The following KCNK9 variants were observed in gnomAD, a reference collection of about 807,000 sequenced individuals.
The protein encoded by KCNK9 is potassium channel subfamily K member 9.
A neutral mutation model predicts 10.8 loss-of-function variants in KCNK9; 1 was observed. That is an observed-to-expected ratio of 0.09 (90% CI 0.03 to 0.44). KCNK9 has a LOEUF of 0.44. Ranked by LOEUF, KCNK9 falls within the 20% of genes least tolerant of loss-of-function variation. The probability of loss-of-function intolerance (pLI) is 0.97; values close to 1 mark genes in which losing one functional copy is unlikely to be tolerated. For missense variants in KCNK9, 303 were observed against 515.0 expected, an observed-to-expected ratio of 0.59 and a Z score of 3.98; for synonymous variants, 231 against 222.7, an observed-to-expected ratio of 1.04 and a Z score of -0.33.
rs1814657047 is a variant in KCNK9, at chr8:139,618,137, G to T, written c.*121C>A. On this transcript the variant is annotated 3_prime_UTR_variant, in exon 2 of 2. Transcript: ENST00000520439. This position sits in a 1 kb window ranked among gnomAD's most constrained non-coding sequence, Gnocchi z 7.9. ...ACCAAGAGACCAAGAAAGGAGGAAG[G>T]AGAGAAAGTAATAATGATGACAATA... 1.5e-6 allele frequency: 2 copies of T among 1,356,072 alleles called. No individual in the cohort carries two copies. The highest frequency in any genetic ancestry group is 1.5e-5 in the African/African-American group (1 of 67,754). The allele number at this position is 1,356,072 out of a possible 1,614,324, so 84.0% of individuals were successfully genotyped here. A position where few individuals can be genotyped will look rare whatever the true frequency, so the allele number is the denominator to read the frequency against.
At chr8:139,612,995 TTTA>T (rs1814477601), downstream of KCNK9, among the ~76,000 whole-genome samples, 1 of 152,182 alleles carries the variant, frequency 6.6e-6, no homozygotes. Flanking sequence ...TGGGTTGTAT[TTTA>T]GACTCAATAA....
In KCNK9 at chr8:139,637,760, T is replaced by TACACAC. The variant is rs34018499; in HGVS notation, c.284-18667_284-18662dup. On this transcript the variant is annotated intron_variant, in intron 1 of 1. Coordinates refer to ENST00000520439, the MANE Select transcript of KCNK9 (RefSeq NM_001282534.2). ...GGATAGATCTTAAGTATTCCTACTC[T>TACACAC]ACACACACACACACACACACACACA... Among the ~76,000 whole-genome samples the TACACAC allele has an allele frequency of 7.8e-3, 1,141 of 146,210 alleles. 18 individuals are homozygous for TACACAC. The highest frequency in any genetic ancestry group is 0.027 in the African/African-American group (1,039 of 39,044).
At chr8:139,638,268 TAC>T (rs1815397499) in intron 1 of KCNK9, among the ~76,000 whole-genome samples, 1 of 152,122 alleles carries the variant, frequency 6.6e-6, no homozygotes, top group South Asian at 2.1e-4. Context: ...ATTTCATATT[TAC>T]AGACATGAAA....
At chr8:139,627,038 C>G (rs372543194) in intron 1 of KCNK9, among the ~76,000 whole-genome samples, 5 of 152,264 alleles carry the variant, frequency 3.3e-5, no homozygotes, top group East Asian at 3.9e-4. Flanking sequence ...ATGCATGGGT[C>G]GCGCGTAGGG....
At chr8:139,667,893 A>G (rs1210920545) in intron 1 of KCNK9, among the ~76,000 whole-genome samples, 5 of 152,162 alleles carry the variant, frequency 3.3e-5, no homozygotes, top group Non-Finnish European at 7.3e-5. Context: ...TAAAAAAAAA[A>G]AAAAAGATTC....
At chr8:139,692,856 C>A (rs1443738333) in intron 1 of KCNK9, among the ~76,000 whole-genome samples, 2 of 152,174 alleles carry the variant, frequency 1.3e-5, no homozygotes, top group Admixed American at 6.5e-5. Flanking sequence ...TGGGACCATG[C>A]ACCCAAGCTG....
chr8:139,656,053 G>A (rs1256017744), intron 1 of KCNK9, among the ~76,000 whole-genome samples: 1 of 152,132 alleles, frequency 6.6e-6, no homozygotes, highest in Non-Finnish European at 1.5e-5. Flanking sequence ...TGAAGCTCCG[G>A]GACATTCAAA....
intron 1 of KCNK9, among the ~76,000 whole-genome samples, chr8:139,626,000 C>A (rs187791175): frequency 6.6e-6 from 1 of 152,272 alleles, no homozygotes; most frequent in East Asian, 1.9e-4. Context: ...GCACATGGGA[C>A]ATAGTAGTGC....
intron 1 of KCNK9, among the ~76,000 whole-genome samples, chr8:139,650,734 G>A (rs1815837781): frequency 6.6e-6 from 1 of 152,182 alleles, no homozygotes; most frequent in South Asian, 2.1e-4. Context: ...CCTGAGAAAT[G>A]AGAAATCTTC....
At chr8:139,678,763 G>T (rs1816618674) in intron 1 of KCNK9, among the ~76,000 whole-genome samples, 1 of 152,198 alleles carries the variant, frequency 6.6e-6, no homozygotes, top group South Asian at 2.1e-4. Context: ...GCCATCACTG[G>T]GCCCCTGATG....
At chr8:139,610,198 C>G (rs540983017), downstream of KCNK9, among the ~76,000 whole-genome samples, 3 of 152,324 alleles carry the variant, frequency 2.0e-5, no homozygotes, top group African/African-American at 7.2e-5. Flanking sequence ...GTCACCAGCA[C>G]TCACCTTGAC....
intron 1 of KCNK9, among the ~76,000 whole-genome samples, chr8:139,640,039 C>A (rs558352020): frequency 1.3e-5 from 2 of 152,286 alleles, no homozygotes; most frequent in Middle Eastern, 3.4e-3. Context: ...GCAGCCCTGG[C>A]GAGCCAATAC....
intron 1 of KCNK9, among the ~76,000 whole-genome samples, chr8:139,692,525 G>C (rs1018642628): frequency 6.6e-6 from 1 of 152,146 alleles, no homozygotes; most frequent in Admixed American, 6.5e-5. Context: ...ACTAGTGTTT[G>C]AATACCTATG....
At chr8:139,691,110 C>T (rs1586695707) in intron 1 of KCNK9, among the ~76,000 whole-genome samples, 1 of 152,206 alleles carries the variant, frequency 6.6e-6, no homozygotes, top group South Asian at 2.1e-4. Context: ...TGGTACAATG[C>T]TCCAGTGACC....
intron 1 of KCNK9, among the ~76,000 whole-genome samples, chr8:139,664,333 T>G (rs1348299502): frequency 2.0e-5 from 3 of 152,174 alleles, no homozygotes; most frequent in African/African-American, 7.2e-5. Flanking sequence ...TGAATCCTGC[T>G]GGTCCAGGGA....
At chr8:139,676,612 T>C (rs536153133) in intron 1 of KCNK9, among the ~76,000 whole-genome samples, 2 of 152,284 alleles carry the variant, frequency 1.3e-5, no homozygotes, top group Admixed American at 1.3e-4. Context: ...TAAGCTCTTC[T>C]CAAATATTTG....
At chr8:139,665,521 C>T (rs1042463789) in intron 1 of KCNK9, among the ~76,000 whole-genome samples, 1 of 152,218 alleles carries the variant, frequency 6.6e-6, no homozygotes, top group Non-Finnish European at 1.5e-5. Context: ...AGGTAACATC[C>T]ACAGATTTGC....
At chr8:139,654,244 A>G (rs1166623296) in intron 1 of KCNK9, among the ~76,000 whole-genome samples, 1 of 152,252 alleles carries the variant, frequency 6.6e-6, no homozygotes, top group Non-Finnish European at 1.5e-5. Context: ...TAATACTTAC[A>G]TGGAAAACAC....
intron 1 of KCNK9, among the ~76,000 whole-genome samples, chr8:139,685,452 G>T (rs1442097401): frequency 6.6e-6 from 1 of 151,980 alleles, no homozygotes; most frequent in African/African-American, 2.4e-5. Flanking sequence ...GCCTCAACAG[G>T]CCCCAGTGTG....
Sources: gnomAD v4.1 joint callset for allele counts (sites outside exome capture counted in the v4.1 genomes callset) on GRCh38, gnomAD v4.1.1 for gene constraint, Gnocchi (gnomAD v3.1) non-coding constraint, MANE v1.5 for transcripts, NCBI Gene and HGNC (gene_info 2026-07-23, HGNC 2026-07-21) for gene names.